The following SPON1 variants were observed in gnomAD, a reference collection of about 807,000 sequenced individuals.
SPON1 encodes the protein spondin 1, also known as spondin-1.
In SPON1, 52 loss-of-function variants were observed where a neutral mutation model predicts 111.7. The observed-to-expected ratio is 0.47, with a 90% CI of 0.37 to 0.59. The LOEUF (loss-of-function observed/expected upper bound fraction) is 0.59, where lower values mean the gene tolerates loss of function less well. Ranked by LOEUF, SPON1 falls within the 20% of genes least tolerant of loss-of-function variation. The probability of loss-of-function intolerance (pLI) is 0.00; values close to 1 mark genes in which losing one functional copy is unlikely to be tolerated. For missense variants in SPON1, 957 were observed against 1,068.5 expected, an observed-to-expected ratio of 0.90 and a Z score of 1.46; for synonymous variants, 410 against 395.8, an observed-to-expected ratio of 1.04 and a Z score of -0.43.
intron 15 of SPON1, 51 bp from the exon 16 acceptor site, chr11:14,265,473 C>T (rs782628006): frequency 1.2e-4 from 195 of 1,569,192 alleles, no homozygotes; most frequent in Non-Finnish European, 1.6e-4. Context: ...GTTCAGCATC[C>T]CTGTTCCGTC....
intron 2 of SPON1, among the ~76,000 whole-genome samples, chr11:14,034,524 C>G (rs1388193837): frequency 6.6e-6 from 1 of 152,196 alleles, no homozygotes; most frequent in Non-Finnish European, 1.5e-5. Flanking sequence ...AGAAATAACT[C>G]CTTCTGTTCA....
intron 6 of SPON1, among the ~76,000 whole-genome samples, chr11:14,240,097 T>C (rs576708315): frequency 6.6e-6 from 1 of 152,346 alleles, no homozygotes; most frequent in South Asian, 2.1e-4. Context: ...TATTTACTAA[T>C]GGTGCCAGTG....
chr11:13,964,132 G>C (rs1169935766), intron 1 of SPON1, among the ~76,000 whole-genome samples: 1 of 152,206 alleles, frequency 6.6e-6, no homozygotes, highest in Non-Finnish European at 1.5e-5. Flanking sequence ...CTCCTCAGCA[G>C]GGTCATCTCC....
chr11:14,045,167 C>A (rs1383093706), intron 3 of SPON1, among the ~76,000 whole-genome samples: 1 of 152,206 alleles, frequency 6.6e-6, no homozygotes, highest in Non-Finnish European at 1.5e-5. Flanking sequence ...GAGCCTAAAT[C>A]TTTACTTGCT....
chr11:14,116,066 C>G (rs914986086), intron 5 of SPON1, among the ~76,000 whole-genome samples: 1 of 151,972 alleles, frequency 6.6e-6, no homozygotes, highest in East Asian at 1.9e-4. Flanking sequence ...ATGTTTTGAT[C>G]GTTTTTCTTT....
At chr11:14,120,228 A>T (rs1554926373) in intron 5 of SPON1, among the ~76,000 whole-genome samples, 1 of 152,166 alleles carries the variant, frequency 6.6e-6, no homozygotes, top group African/African-American at 2.4e-5. Context: ...CATGTTAATG[A>T]TTATTATTTC....
intron 5 of SPON1, among the ~76,000 whole-genome samples, chr11:14,093,937 G>A (rs782125444): frequency 6.6e-6 from 1 of 152,092 alleles, no homozygotes; most frequent in Non-Finnish European, 1.5e-5. Flanking sequence ...CTTAGGCCAG[G>A]CATGGTGGTC....
chr11:14,040,243 T>A (rs1358365668), intron 2 of SPON1, among the ~76,000 whole-genome samples: 1 of 152,182 alleles, frequency 6.6e-6, no homozygotes, highest in Non-Finnish European at 1.5e-5. Flanking sequence ...GGAAGTCAAC[T>A]AAGTGCCCCT....
At chr11:14,234,056 AC>A (rs1188475317) in intron 6 of SPON1, among the ~76,000 whole-genome samples, 1 of 151,714 alleles carries the variant, frequency 6.6e-6, no homozygotes, top group Non-Finnish European at 1.5e-5. Context: ...AAAGCACCCG[AC>A]CCCCAGTGCT....
At chr11:14,203,927 AT>A (rs1848489526) in intron 6 of SPON1, among the ~76,000 whole-genome samples, 1 of 152,244 alleles carries the variant, frequency 6.6e-6, no homozygotes, top group Non-Finnish European at 1.5e-5. Context: ...AATGGGAAGA[AT>A]CATTCCAACA....
chr11:13,975,374 T>C (rs1387488555), intron 1 of SPON1, among the ~76,000 whole-genome samples: 1 of 152,200 alleles, frequency 6.6e-6, no homozygotes, highest in African/African-American at 2.4e-5. Flanking sequence ...ACTATGCATT[T>C]AAGACAAATA....
At chr11:14,198,050 TTAAG>T (rs1435488830) in intron 6 of SPON1, among the ~76,000 whole-genome samples, 2 of 152,296 alleles carry the variant, frequency 1.3e-5, no homozygotes, top group East Asian at 3.9e-4. Flanking sequence ...TACAGTGCAT[TTAAG>T]TAATTGTGTA....
At chr11:14,046,886 A>G (rs1848672231) in intron 3 of SPON1, among the ~76,000 whole-genome samples, 2 of 152,028 alleles carry the variant, frequency 1.3e-5, no homozygotes, top group African/African-American at 4.8e-5. Context: ...AAATTTTGTA[A>G]TTTTTCTTCA....
At chr11:14,224,186 G>T (rs1291242055) in intron 6 of SPON1, among the ~76,000 whole-genome samples, 1 of 152,198 alleles carries the variant, frequency 6.6e-6, no homozygotes, top group Non-Finnish European at 1.5e-5. Flanking sequence ...AGAGCACACA[G>T]TTCCTCCCCT....
At chr11:13,997,659 A>G (rs1285038927) in intron 2 of SPON1, among the ~76,000 whole-genome samples, 2 of 152,208 alleles carry the variant, frequency 1.3e-5, no homozygotes, top group Non-Finnish European at 2.9e-5. Flanking sequence ...ACTACTAGCT[A>G]TCTTTCCAAC....
intron 6 of SPON1, among the ~76,000 whole-genome samples, chr11:14,224,928 G>A (rs1436801771): frequency 2.0e-5 from 3 of 152,150 alleles, no homozygotes; most frequent in African/African-American, 7.2e-5. Context: ...GGAGTAAAAC[G>A]GGAGGCAGGA....
intron 6 of SPON1, among the ~76,000 whole-genome samples, chr11:14,196,177 A>G (rs899968036): frequency 4.6e-5 from 7 of 152,160 alleles, no homozygotes; most frequent in Admixed American, 4.6e-4. Context: ...AGAGCTTCTC[A>G]GGGGGAGAGA....
chr11:14,130,359 CAT>C (rs1847514590), intron 5 of SPON1, among the ~76,000 whole-genome samples: 1 of 152,066 alleles, frequency 6.6e-6, no homozygotes, highest in Non-Finnish European at 1.5e-5. Context: ...TGGTAAATGG[CAT>C]TGGAAAAGGG....
intron 6 of SPON1, among the ~76,000 whole-genome samples, chr11:14,237,940 G>A (rs1848885215): frequency 6.6e-6 from 1 of 152,206 alleles, no homozygotes; most frequent in Non-Finnish European, 1.5e-5. Flanking sequence ...CTGGGTTCAT[G>A]GTGGCAACGG....
Sources: gnomAD v4.1 joint callset for allele counts (sites outside exome capture counted in the v4.1 genomes callset) on GRCh38, gnomAD v4.1.1 for gene constraint, MANE v1.5 for transcripts, NCBI Gene and HGNC (gene_info 2026-07-23, HGNC 2026-07-21) for gene names.